The following CTDSPL2 variants were observed in gnomAD, a reference collection of about 807,000 sequenced individuals.
CTDSPL2 encodes CTD small phosphatase-like protein 2.
In CTDSPL2, 5 loss-of-function variants were observed where a neutral mutation model predicts 60.0. That is an observed-to-expected ratio of 0.08 (90% CI 0.04 to 0.18). The LOEUF is 0.18. Ranked by LOEUF, CTDSPL2 falls within the 10% of genes least tolerant of loss-of-function variation. The pLI is 1.00. For missense variants in CTDSPL2, 370 were observed against 548.8 expected (o/e 0.67, Z 3.26); for synonymous variants, 186 against 189.3 (o/e 0.98, Z 0.14).
chr15:44,456,703 A>C (rs939584799), intron 1 of CTDSPL2, among the ~76,000 whole-genome samples: 1 of 151,078 alleles, frequency 6.6e-6, no homozygotes, highest in Non-Finnish European at 1.5e-5. Context: ...TCCTGGATTC[A>C]TTGATTTTTT....
At chr15:44,494,813 G>A (rs1392716911) in intron 5 of CTDSPL2, among the ~76,000 whole-genome samples, 10 of 151,334 alleles carry the variant, frequency 6.6e-5, no homozygotes, top group Admixed American at 6.6e-4. Context: ...CCACTCGGGA[G>A]GCTGAGGCAG....
At chr15:44,494,352 C>T (rs1274170348) in intron 5 of CTDSPL2, among the ~76,000 whole-genome samples, 1 of 152,150 alleles carries the variant, frequency 6.6e-6, no homozygotes, top group African/African-American at 2.4e-5. Flanking sequence ...TACAGTGGCT[C>T]ACCAGCACTT....
intron 2 of CTDSPL2, among the ~76,000 whole-genome samples, chr15:44,469,311 C>G (rs2080758762): frequency 6.6e-6 from 1 of 152,094 alleles, no homozygotes; most frequent in Non-Finnish European, 1.5e-5. Context: ...TTACCTCCAA[C>G]CATTTATAAG....
At chr15:44,487,550 G>A (rs1015877306) in intron 4 of CTDSPL2, among the ~76,000 whole-genome samples, 1 of 152,172 alleles carries the variant, frequency 6.6e-6, no homozygotes, top group African/African-American at 2.4e-5. Flanking sequence ...AAGAAAAGCC[G>A]AATCTGGAAA....
At chr15:44,449,205 A>G (rs896735233) in intron 1 of CTDSPL2, 25 of 286,694 alleles carry the variant, frequency 8.7e-5, no homozygotes, top group Non-Finnish European at 1.7e-4. Context: ...CACGTTTTGC[A>G]TTGCTCTCCT....
chr15:44,459,732 A>G (rs2080524707), intron 2 of CTDSPL2, among the ~76,000 whole-genome samples: 1 of 152,174 alleles, frequency 6.6e-6, no homozygotes, highest in Non-Finnish European at 1.5e-5. Context: ...ATGGGAAGCA[A>G]AATAAATTTT....
intron 4 of CTDSPL2, among the ~76,000 whole-genome samples, chr15:44,489,139 C>T (rs1313885661): frequency 1.3e-5 from 2 of 148,504 alleles, no homozygotes; most frequent in Non-Finnish European, 3.0e-5. Flanking sequence ...CTTCCCCCCT[C>T]CCCCCCACCT....
At chr15:44,490,197 C>T (rs1419430364) in intron 4 of CTDSPL2, among the ~76,000 whole-genome samples, 3 of 152,012 alleles carry the variant, frequency 2.0e-5, no homozygotes, top group East Asian at 1.9e-4. Flanking sequence ...TGCAATAGTA[C>T]GATCACCGTT....
At chr15:44,476,412 G>A (rs1309963205) in intron 2 of CTDSPL2, among the ~76,000 whole-genome samples, 1 of 152,034 alleles carries the variant, frequency 6.6e-6, no homozygotes, top group Non-Finnish European at 1.5e-5. Flanking sequence ...TAACTTTTAT[G>A]TAAAACTTAA....
chr15:44,434,071 G>GTTATTTAT lies in CTDSPL2; in HGVS notation c.-25+6318_-25+6325dup, dbSNP rs574610723. Among the ~76,000 whole-genome samples, 1,477 of 151,512 alleles carry GTTATTTAT rather than the reference G, an allele frequency of 9.7e-3. 28 individuals carry two copies. Among genetic ancestry groups the GTTATTTAT allele is most frequent in the African/African-American group, 0.034 (1,413 of 41,212 alleles). Reference sequence around the variant, plus strand: ...TGATAATGGTTTTAGAAAAATCATTGTTATTTATTTATTTATTTATTTATT... The same window carrying GTTATTTAT: ...TGATAATGGTTTTAGAAAAATCATTGTTATTTATTTATTTATTTATTTATTTATTTATT... On this transcript the variant is annotated intron_variant, in intron 1 of 12. Coordinates refer to ENST00000260327, the MANE Select transcript of CTDSPL2 (RefSeq NM_016396.3).
chr15:44,433,495 T>A (rs557681388), intron 1 of CTDSPL2, among the ~76,000 whole-genome samples: 2 of 151,786 alleles, frequency 1.3e-5, no homozygotes, highest in African/African-American at 2.4e-5. Context: ...CACTTTTTTT[T>A]CTCTTGAGAT....
At chr15:44,497,207 T>C in intron 7 of CTDSPL2, 69 bp downstream of exon 7, 2 of 894,044 alleles carry the variant, frequency 2.2e-6, no homozygotes, top group South Asian at 1.8e-5. Flanking sequence ...CATGCTTATG[T>C]TAGCTTTCCC....
chr15:44,475,246 T>A (rs2080892682), intron 2 of CTDSPL2, among the ~76,000 whole-genome samples: 1 of 152,186 alleles, frequency 6.6e-6, no homozygotes, highest in African/African-American at 2.4e-5. Flanking sequence ...CTTCTTTTAC[T>A]GACTTTTTAT....
chr15:44,512,639 A>G (rs564525696), intron 8 of CTDSPL2, among the ~76,000 whole-genome samples: 99 of 152,356 alleles, frequency 6.5e-4, no homozygotes, highest in South Asian at 3.1e-3. Context: ...AACTACACCA[A>G]ATGTTTCAGG....
chr15:44,454,408 T>C (rs1238642964), intron 1 of CTDSPL2, among the ~76,000 whole-genome samples: 2 of 152,244 alleles, frequency 1.3e-5, no homozygotes, highest in Non-Finnish European at 2.9e-5. Context: ...TTTCTTTTGC[T>C]GTGCAGAAGC....
chr15:44,470,386 C>T (rs1360149910), intron 2 of CTDSPL2: 4 of 151,346 alleles, frequency 2.6e-5, no homozygotes, highest in Non-Finnish European at 5.9e-5. Flanking sequence ...TTCTTACTTA[C>T]TATTTGCATG....
At chr15:44,472,763 A>C (rs1413410981) in intron 2 of CTDSPL2, among the ~76,000 whole-genome samples, 16 of 152,190 alleles carry the variant, frequency 1.1e-4, no homozygotes, top group Admixed American at 9.8e-4. Flanking sequence ...TCCTGTGTTC[A>C]AGCAATTCCC....
intron 5 of CTDSPL2, among the ~76,000 whole-genome samples, chr15:44,494,264 A>G (rs1418899980): frequency 6.6e-6 from 1 of 152,178 alleles, no homozygotes; most frequent in African/African-American, 2.4e-5. Flanking sequence ...GCAATATAGA[A>G]TTACTTCTTG....
Position 44,456,222 on chromosome 15 carries a change from G to T in CTDSPL2, c.-24-2769G>T, listed in dbSNP as rs181292874. Among the ~76,000 whole-genome samples the T allele has an allele frequency of 1.2e-4, 18 of 152,176 alleles. No individual in the cohort carries two copies. In the South Asian group the frequency reaches 2.5e-3, roughly 21 times the overall value. On this transcript the variant is annotated intron_variant, in intron 1 of 12. Transcript: ENST00000260327. ...AATTCTCTTTTTTTGTTGTGTCTCC[G>T]CCAGGCTTTGTATCAGGATGATGCT...
Sources: gnomAD v4.1 joint callset for allele counts (sites outside exome capture counted in the v4.1 genomes callset) on GRCh38, gnomAD v4.1.1 for gene constraint, MANE v1.5 for transcripts, NCBI Gene and HGNC (gene_info 2026-07-23, HGNC 2026-07-21) for gene names.